Variants in VTI1A observed in about 807,000 individuals in gnomAD.
VTI1A encodes vesicle transport through interaction with t-SNAREs 1A, also known as vesicle transport through interaction with t-SNAREs homolog 1A.
In VTI1A, 22 loss-of-function variants were observed where a neutral mutation model predicts 34.9. That is an observed-to-expected ratio of 0.63 (90% confidence interval 0.45 to 0.90). The LOEUF (loss-of-function observed/expected upper bound fraction) is 0.90, where lower values mean the gene tolerates loss of function less well. Among genes scored for constraint, VTI1A ranks in the 40% least tolerant of loss-of-function variants. The pLI, the probability that VTI1A is intolerant of heterozygous loss-of-function variation, is 0.00. For synonymous variants in VTI1A, 87 were observed against 97.3 expected (o/e 0.89, Z 0.62); for missense variants, 268 against 275.6 (o/e 0.97, Z 0.20).
intron 7 of VTI1A, among the ~76,000 whole-genome samples, chr10:112,674,412 T>C (rs530567992): frequency 4.6e-5 from 7 of 152,368 alleles, no homozygotes; most frequent in Admixed American, 4.6e-4. Context: ...AGTTTATTTC[T>C]GTACAGTTGA....
intron 7 of VTI1A, among the ~76,000 whole-genome samples, chr10:112,670,308 C>G (rs1051628913): frequency 6.6e-6 from 1 of 151,906 alleles, no homozygotes; most frequent in African/African-American, 2.4e-5. Context: ...ATTGAGCTGT[C>G]CAGAAATCAT....
intron 7 of VTI1A, among the ~76,000 whole-genome samples, chr10:112,787,459 T>C (rs558535375): frequency 6.6e-6 from 1 of 152,264 alleles, no homozygotes; most frequent in East Asian, 1.9e-4. Flanking sequence ...TCTTTCTTAA[T>C]GTGGTAGCTT....
chr10:112,548,993 G>T, intron 5 of VTI1A: 1 of 613,264 alleles, frequency 1.6e-6, no homozygotes, highest in East Asian at 2.8e-5. Flanking sequence ...CTGCCCTCCT[G>T]CCTTCTCTTC....
At chr10:112,482,392 A>G (rs758551868) in intron 3 of VTI1A, among the ~76,000 whole-genome samples, 28 of 152,190 alleles carry the variant, frequency 1.8e-4, no homozygotes, top group Non-Finnish European at 3.2e-4. Context: ...GTCTAGAAGT[A>G]GAGATCTAGG....
intron 3 of VTI1A, among the ~76,000 whole-genome samples, chr10:112,485,980 G>T (rs578222953): frequency 6.6e-6 from 1 of 151,912 alleles, no homozygotes; most frequent in African/African-American, 2.4e-5. Flanking sequence ...CCTGCCTCTC[G>T]GATCTTTTTG....
intron 5 of VTI1A, among the ~76,000 whole-genome samples, chr10:112,627,544 C>T (rs1845969427): frequency 1.3e-5 from 2 of 152,294 alleles, no homozygotes; most frequent in Non-Finnish European, 2.9e-5. Context: ...TCAAATATAA[C>T]CACTATTCAT....
At position 112,818,076 on chromosome 10, in the gene VTI1A, G is replaced by T. The variant is rs939549586; in HGVS notation, c.*2693G>T. The T allele has an allele frequency of 4.3e-6, 1 of 233,360 alleles. No individual in the cohort carries two copies. The highest frequency in any genetic ancestry group is 5.6e-5 in the Admixed American group (1 of 17,772). 14.5% of individuals were successfully genotyped at this position (233,360 alleles called of 1,614,324 possible). On this transcript the variant is annotated 3_prime_UTR_variant, in exon 8 of 8. Transcript: ENST00000393077. ...AAATGCAGTGGGTCTGACGTCAGCT[G>T]CCGGGCCTGGGCTGGGAGGCCATTT...
intron 5 of VTI1A, among the ~76,000 whole-genome samples, chr10:112,550,353 T>G (rs1478648324): frequency 6.6e-6 from 1 of 151,828 alleles, no homozygotes; most frequent in Non-Finnish European, 1.5e-5. Context: ...CAGAAGGTTT[T>G]TTTTTTTTTT....
At chr10:112,806,294 T>G (rs1853075734) in intron 7 of VTI1A, among the ~76,000 whole-genome samples, 1 of 152,160 alleles carries the variant, frequency 6.6e-6, no homozygotes, top group Non-Finnish European at 1.5e-5. Flanking sequence ...TTTTTTATTA[T>G]TTTATTTTTG....
At chr10:112,582,516 A>G (rs12268627) in intron 5 of VTI1A, among the ~76,000 whole-genome samples, 17,674 of 152,024 alleles carry the variant, frequency 0.12, 1,357 homozygotes, top group African/African-American at 0.21. Context: ...CCTTCTCCAG[A>G]TCTCATGGTG....
chr10:112,777,569 T>A (rs923379634), intron 7 of VTI1A, among the ~76,000 whole-genome samples: 1 of 152,234 alleles, frequency 6.6e-6, no homozygotes, highest in Non-Finnish European at 1.5e-5. Context: ...TTATTCTGAA[T>A]GTAAGACCTG....
intron 7 of VTI1A, among the ~76,000 whole-genome samples, chr10:112,700,126 AAAAAAAAAACAAAAC>A (rs1848952993): frequency 7.1e-6 from 1 of 140,216 alleles, no homozygotes; most frequent in Non-Finnish European, 1.5e-5. Context: ...TCAAAAAAAA[AAAAAAAAAACAAAAC>A]AAAAAAAAAA....
chr10:112,465,655 A>G (rs1355394829), intron 3 of VTI1A, among the ~76,000 whole-genome samples: 1 of 152,198 alleles, frequency 6.6e-6, no homozygotes, highest in Non-Finnish European at 1.5e-5. Context: ...TATCTAGAGT[A>G]GTCAGATTCA....
rs146645998 is a variant in VTI1A at position 112,546,672 on chromosome 10, C to CTT, written c.427+8350_427+8351dup. Among the ~76,000 whole-genome samples, 467 of 151,196 alleles carry CTT rather than the reference C, an allele frequency of 3.1e-3. 3 individuals carry two copies. The highest frequency in any genetic ancestry group is 0.011 in the African/African-American group (437 of 41,234). The stretch of plus-strand genomic sequence containing the variant: ...CTCTATATTTAACACTACTCACATC[C>CTT]TTTTTTTTTAAAAAAAGAGGCATAT... On this transcript the variant is annotated intron_variant, in intron 5 of 7. Transcript: ENST00000393077.
At chr10:112,807,276 T>C (rs1853120353) in intron 7 of VTI1A, among the ~76,000 whole-genome samples, 1 of 152,210 alleles carries the variant, frequency 6.6e-6, no homozygotes, top group Admixed American at 6.5e-5. Context: ...CCAGGGCTGC[T>C]AGGGCTGCCG....
chr10:112,724,087 A>G (rs1279540266), intron 7 of VTI1A, among the ~76,000 whole-genome samples: 1 of 152,164 alleles, frequency 6.6e-6, no homozygotes, highest in African/African-American at 2.4e-5. Context: ...TTTGTATCCC[A>G]CACAGTCCCC....
chr10:112,663,343 C>T (rs1847531651), intron 5 of VTI1A, among the ~76,000 whole-genome samples: 1 of 152,228 alleles, frequency 6.6e-6, no homozygotes, highest in African/African-American at 2.4e-5. Context: ...TTTGCTCCTA[C>T]ACAAAGTACT....
At chr10:112,814,987 A>G (rs1853459642) in intron 7 of VTI1A, among the ~76,000 whole-genome samples, 1 of 152,012 alleles carries the variant, frequency 6.6e-6, no homozygotes, top group Non-Finnish European at 1.5e-5. Flanking sequence ...TAAAGAGGCT[A>G]CATGATTTTC....
intron 3 of VTI1A, among the ~76,000 whole-genome samples, chr10:112,513,461 A>G (rs570008775): frequency 6.6e-6 from 1 of 152,164 alleles, no homozygotes; most frequent in South Asian, 2.1e-4. Context: ...TTTTCTATAT[A>G]TAAGGTTATG....
Sources: allele counts gnomAD v4.1 joint callset (sites outside exome capture counted in the v4.1 genomes callset), GRCh38; gene constraint gnomAD v4.1.1; transcripts MANE v1.5; gene names NCBI Gene and HGNC (gene_info 2026-07-23, HGNC 2026-07-21).